The following GAREM1 variants were observed in gnomAD, a reference collection of about 807,000 sequenced individuals.
GAREM1 encodes the protein GRB2-associated and regulator of MAPK protein 1.
GAREM1 carries 26 observed loss-of-function variants against 71.3 expected under a neutral mutation model. That is an observed-to-expected ratio of 0.36 (90% CI 0.27 to 0.51). The LOEUF (loss-of-function observed/expected upper bound fraction) is 0.51, where lower values mean the gene tolerates loss of function less well. Among genes scored for constraint, GAREM1 ranks in the 20% least tolerant of loss-of-function variants. GAREM1 has a pLI of 0.95. For missense variants in GAREM1, 1,026 were observed against 1,103.1 expected (o/e 0.93, Z 0.99); for synonymous variants, 440 against 433.2 (o/e 1.02, Z -0.20).
chr18:32,351,576 G>A (rs2047751404), intron 2 of GAREM1, among the ~76,000 whole-genome samples: 1 of 152,140 alleles, frequency 6.6e-6, no homozygotes, highest in Admixed American at 6.5e-5. Context: ...ACCAAGAGAA[G>A]TATGTGGATA....
At chr18:32,295,037 A>G (rs2047126680) in intron 3 of GAREM1, among the ~76,000 whole-genome samples, 2 of 152,126 alleles carry the variant, frequency 1.3e-5, no homozygotes, top group South Asian at 4.2e-4. Context: ...TCCAATTAAG[A>G]TGGTCATATG....
intron 1 of GAREM1, among the ~76,000 whole-genome samples, chr18:32,430,707 A>G (rs2048615606): frequency 2.6e-5 from 4 of 152,226 alleles, no homozygotes; most frequent in African/African-American, 7.2e-5. Flanking sequence ...ATCCACAAGT[A>G]ATGACAGTGG....
intron 1 of GAREM1, among the ~76,000 whole-genome samples, chr18:32,468,229 T>G (rs971077507): frequency 6.6e-6 from 1 of 152,232 alleles, no homozygotes; most frequent in African/African-American, 2.4e-5. Context: ...ATTCATTACA[T>G]CACAATTTTT....
At chr18:32,467,122 C>T (rs1449396809) in intron 1 of GAREM1, among the ~76,000 whole-genome samples, 1 of 152,134 alleles carries the variant, frequency 6.6e-6, no homozygotes. Flanking sequence ...TCAACAGACA[C>T]ATCTACGTTA....
Position 32,344,488 on chromosome 18 carries a change from C to T in GAREM1, c.263-34165G>A, listed in dbSNP as rs75123811. On this transcript the variant is annotated intron_variant, in intron 2 of 5. Transcript: ENST00000269209. ...CATAAGGTACAAAACAGATTATCAA[C>T]AGAAATTATCAGTAATTATGCCTAA... is the stretch of plus-strand genomic sequence containing the variant. 2.3e-3 allele frequency among the ~76,000 whole-genome samples: 353 copies of T among 152,118 alleles called. 1 individual carries two copies. The highest frequency in any genetic ancestry group is 3.9e-3 in the Non-Finnish European group (264 of 68,006).
At chr18:32,409,110 T>G (rs1385580336) in intron 1 of GAREM1, among the ~76,000 whole-genome samples, 1 of 152,158 alleles carries the variant, frequency 6.6e-6, no homozygotes, top group Non-Finnish European at 1.5e-5. Flanking sequence ...TCATCTCTTT[T>G]TCTGCTGTTT....
chr18:32,436,299 GA>G (rs1183538519), intron 1 of GAREM1, among the ~76,000 whole-genome samples: 3 of 152,146 alleles, frequency 2.0e-5, no homozygotes, highest in Admixed American at 2.0e-4. Context: ...AAGTTAAAGG[GA>G]AACAGGCAGA....
Position 32,312,090 on chromosome 18 carries a change from A to G in GAREM1, c.263-1767T>C, listed in dbSNP as rs2047329320. On this transcript the variant is annotated intron_variant, in intron 2 of 5. Coordinates refer to ENST00000269209, the MANE Select transcript of GAREM1 (RefSeq NM_001242409.2). ...GGAGGATCAGGAGTTCAGTCTGGAC[A>G]GGTAAGTCTGAGATGTCTATTGGAC... is the stretch of plus-strand genomic sequence containing the variant. Among the ~76,000 whole-genome samples the G allele has an allele frequency of 2.6e-5, 4 of 152,248 alleles. 1 individual carries two copies. The South Asian group carries it at 6.2e-4, about 24-fold the overall frequency.
At chr18:32,390,748 T>C (rs1212220019) in intron 2 of GAREM1, among the ~76,000 whole-genome samples, 1 of 152,222 alleles carries the variant, frequency 6.6e-6, no homozygotes, top group Non-Finnish European at 1.5e-5. Context: ...GAGGAAATCT[T>C]ATCTCACATT....
chr18:32,420,879 C>A (rs558574796), intron 1 of GAREM1, among the ~76,000 whole-genome samples: 1 of 152,200 alleles, frequency 6.6e-6, no homozygotes, highest in African/African-American at 2.4e-5. Flanking sequence ...GAGAATCCAA[C>A]AATCTTGCGG....
intron 2 of GAREM1, among the ~76,000 whole-genome samples, chr18:32,348,498 C>A (rs1025034714): frequency 6.6e-6 from 1 of 151,854 alleles, no homozygotes; most frequent in Non-Finnish European, 1.5e-5. Context: ...CTGAAGTGGG[C>A]AGATCACTTG....
intron 4 of GAREM1, among the ~76,000 whole-genome samples, chr18:32,286,579 C>G (rs866801179): frequency 3.3e-5 from 5 of 152,116 alleles, no homozygotes; most frequent in African/African-American, 4.8e-5. Context: ...TGATTGCTCT[C>G]TTTTCTTCAT....
intron 1 of GAREM1, among the ~76,000 whole-genome samples, chr18:32,462,336 C>T (rs1010915270): frequency 5.9e-5 from 9 of 152,130 alleles, no homozygotes; most frequent in South Asian, 4.1e-4. Flanking sequence ...GATCTCACTG[C>T]GATTTTGATT....
chr18:32,415,199 C>CAAAGCCAT (rs2048456059), intron 1 of GAREM1, among the ~76,000 whole-genome samples: 1 of 151,824 alleles, frequency 6.6e-6, no homozygotes, highest in African/African-American at 2.4e-5. Flanking sequence ...GTAACGAGAT[C>CAAAGCCAT]AAAGCCATAA....
chr18:32,267,960 C>T lies in GAREM1; in HGVS notation c.2542G>A (p.Glu848Lys). 1 of 1,613,686 alleles carries T rather than the reference C, an allele frequency of 6.2e-7. No homozygotes were observed. The highest frequency in any genetic ancestry group is 8.5e-7 in the Non-Finnish European group (1 of 1,179,634). Residue 848 changes from glutamate to lysine, a missense_variant, in exon 6 of 6, where the codon GAA (glutamate) becomes AAA (lysine). Physicochemically the swap from Glu to Lys is moderately conservative, Grantham distance 56. This residue lies in a region of GAREM1 where 636 missense variants were observed against 631.2 expected (regional missense o/e 1.01). Transcript: ENST00000269209. Reference sequence around the variant, plus strand: ...TTGAAATCCTCTGAGAGGATTTCTTCCGTTAGCTGAACAAGCAGGTTCCCA... The same window carrying T: ...TTGAAATCCTCTGAGAGGATTTCTTTCGTTAGCTGAACAAGCAGGTTCCCA... ...IDGNLLVQLT[E>K]EILSEDFKLS...
At position 32,287,297 on chromosome 18, in the gene GAREM1, G is replaced by C. The variant is rs781609269; in HGVS notation, c.1300C>G (p.Leu434Val). 1.2e-6 allele frequency: 2 copies of C among 1,614,060 alleles called. No individual in the cohort carries two copies. The highest frequency in any genetic ancestry group is 1.7e-6 in the Non-Finnish European group (2 of 1,180,050). ...QDSGDSGSDYLFPEASEESAG... is the reference protein window; with the variant it reads ...QDSGDSGSDYVFPEASEESAG... ...GATTCTTCACTAGCTTCTGGGAAAAGGTAGTCGCTCCCACTATCTCCAGAG... is the reference window on the plus strand; with the variant it reads ...GATTCTTCACTAGCTTCTGGGAAAACGTAGTCGCTCCCACTATCTCCAGAG... Residue 434 changes from leucine (L) to valine (V), a missense_variant, in exon 4 of 6, where the codon CTT becomes GTT. Coordinates refer to ENST00000269209, the MANE Select transcript of GAREM1 (RefSeq NM_001242409.2). This position sits in a 1 kb window ranked among gnomAD's most constrained non-coding sequence, Gnocchi z 5.9.
intron 1 of GAREM1, among the ~76,000 whole-genome samples, chr18:32,399,952 A>G (rs1377894400): frequency 6.6e-6 from 1 of 152,232 alleles, no homozygotes; most frequent in Non-Finnish European, 1.5e-5. Flanking sequence ...CCAAAACAGC[A>G]TGGTACTGGT....
At chr18:32,342,146 C>T (rs955555159) in intron 2 of GAREM1, among the ~76,000 whole-genome samples, 2 of 152,170 alleles carry the variant, frequency 1.3e-5, no homozygotes, top group Non-Finnish European at 2.9e-5. Flanking sequence ...CTAACCACTC[C>T]ATAACCTTTT....
chr18:32,412,289 A>C, intron 1 of GAREM1: 3 of 1,589,562 alleles, frequency 1.9e-6, no homozygotes, highest in South Asian at 1.1e-5. Flanking sequence ...GTGGTTTTGC[A>C]AAGTACTGGC....
Sources: gnomAD v4.1 joint callset for allele counts (sites outside exome capture counted in the v4.1 genomes callset) on GRCh38, gnomAD v4.1.1 for gene constraint, gnomAD v4.1.1 regional missense constraint, Gnocchi (gnomAD v3.1) non-coding constraint, MANE v1.5 for transcripts, NCBI Gene and HGNC (gene_info 2026-07-23, HGNC 2026-07-21) for gene names.